Variants in ARHGEF28 observed in about 807,000 individuals in gnomAD.
ARHGEF28 encodes the protein 190 kDa guanine nucleotide exchange factor.
A neutral mutation model predicts 206.6 loss-of-function variants in ARHGEF28; 152 were observed. The observed-to-expected ratio is 0.74, with a 90% CI of 0.64 to 0.84. The LOEUF is 0.84. Among genes scored for constraint, ARHGEF28 ranks in the 40% least tolerant of loss-of-function variants. The probability of loss-of-function intolerance (pLI) is 0.00; values close to 1 mark genes in which losing one functional copy is unlikely to be tolerated. For synonymous variants in ARHGEF28, 763 were observed against 776.4 expected (o/e 0.98, Z 0.29); for missense variants, 2,028 against 2,073.2 (o/e 0.98, Z 0.42).
At chr5:73,756,431 T>C (rs1484019525) in intron 4 of ARHGEF28, among the ~76,000 whole-genome samples, 1 of 152,252 alleles carries the variant, frequency 6.6e-6, no homozygotes, top group Non-Finnish European at 1.5e-5. Flanking sequence ...CAGTTTGTAG[T>C]ACTTGAGGTA....
At chr5:73,636,817 T>G (rs1393716067) in intron 1 of ARHGEF28, among the ~76,000 whole-genome samples, 1 of 152,196 alleles carries the variant, frequency 6.6e-6, no homozygotes, top group Admixed American at 6.5e-5. Flanking sequence ...GTGTGTTCCA[T>G]CTGTCAAGTT....
At chr5:73,743,531 A>T (rs1472420068) in intron 2 of ARHGEF28, among the ~76,000 whole-genome samples, 1 of 152,232 alleles carries the variant, frequency 6.6e-6, no homozygotes, top group Non-Finnish European at 1.5e-5. Context: ...ACCTTCTTTT[A>T]AAAAATTGGC....
intron 2 of ARHGEF28, among the ~76,000 whole-genome samples, chr5:73,715,343 G>A (rs1749520340): frequency 6.6e-6 from 1 of 152,074 alleles, no homozygotes; most frequent in Non-Finnish European, 1.5e-5. Flanking sequence ...AAGGACCCTG[G>A]GCCTTTTTGT....
intron 4 of ARHGEF28, among the ~76,000 whole-genome samples, chr5:73,754,738 C>T (rs1438524551): frequency 2.0e-5 from 3 of 151,872 alleles, no homozygotes; most frequent in African/African-American, 7.3e-5. Flanking sequence ...GCTCTGTTGC[C>T]CAGGCTGGAG....
chr5:73,859,936 C>T lies in ARHGEF28; in HGVS notation c.2047+1717C>T, dbSNP rs772233476. On this transcript the variant is annotated intron_variant, in intron 16 of 35. Coordinates refer to ENST00000513042, the MANE Select transcript of ARHGEF28 (RefSeq NM_001177693.2). Reference sequence around the variant, plus strand: ...CTTCATTAACCATCTGCATTTTGACCTCTGTGCATACTGCTTAACAGAAGT... The same window carrying T: ...CTTCATTAACCATCTGCATTTTGACTTCTGTGCATACTGCTTAACAGAAGT... Among the ~76,000 whole-genome samples the T allele has an allele frequency of 5.3e-5, 8 of 152,262 alleles. No homozygotes were observed. In the East Asian group the frequency reaches 1.5e-3, roughly 29 times the overall value.
intron 4 of ARHGEF28, among the ~76,000 whole-genome samples, chr5:73,765,064 T>C (rs530207568): frequency 6.6e-6 from 1 of 152,372 alleles, no homozygotes; most frequent in South Asian, 2.1e-4. Flanking sequence ...CATATCATGA[T>C]ACATGATGTA....
At chr5:73,660,247 G>T (rs541528580) in intron 1 of ARHGEF28, among the ~76,000 whole-genome samples, 15 of 152,228 alleles carry the variant, frequency 9.9e-5, no homozygotes, top group Admixed American at 3.3e-4. Flanking sequence ...CACTTTCTTT[G>T]CTCATCCATA....
intron 2 of ARHGEF28, among the ~76,000 whole-genome samples, chr5:73,718,126 C>A (rs1376919906): frequency 1.3e-5 from 2 of 152,158 alleles, no homozygotes; most frequent in Non-Finnish European, 2.9e-5. Flanking sequence ...CCCACCTTGG[C>A]CTCCCAAAGT....
intron 22 of ARHGEF28, among the ~76,000 whole-genome samples, chr5:73,875,189 A>G (rs1338551211): frequency 1.3e-5 from 2 of 151,788 alleles, no homozygotes; most frequent in African/African-American, 2.4e-5. Context: ...GCATTTTTTC[A>G]TGTGTCTTTT....
At chr5:73,755,517 G>A (rs1487450773) in intron 4 of ARHGEF28, among the ~76,000 whole-genome samples, 3 of 152,082 alleles carry the variant, frequency 2.0e-5, no homozygotes, top group Admixed American at 6.6e-5. Context: ...AATTGTTGAA[G>A]GTCATGGAAC....
At chr5:73,776,449 T>C (rs1326499775) in intron 5 of ARHGEF28, 67 bp from the exon 6 acceptor site, 8 of 1,425,554 alleles carry the variant, frequency 5.6e-6, no homozygotes, top group East Asian at 4.7e-5. Flanking sequence ...GCAGTGATCC[T>C]AAGGGCTGGG....
In ARHGEF28 at chr5:73,858,267, A is replaced by C. The variant is rs772442916; in HGVS notation, c.2047+48A>C. The C allele has an allele frequency of 6.6e-6, 10 of 1,525,532 alleles. No individual in the cohort carries two copies. The Admixed American group carries it at 1.4e-4, about 22-fold the overall frequency. The allele number at this position is 1,525,532 out of a possible 1,614,324, so 94.5% of individuals were successfully genotyped here. ...GCTGTCTTTGTTTTCATCTCCTGAC[A>C]GTAACCTTGGGAAGAGGCTCATTGC... On this transcript the variant is annotated intron_variant, in intron 16 of 35. Coordinates refer to ENST00000513042, the MANE Select transcript of ARHGEF28 (RefSeq NM_001177693.2).
At chr5:73,820,363 T>C (rs1042643208) in intron 9 of ARHGEF28, among the ~76,000 whole-genome samples, 31 of 152,302 alleles carry the variant, frequency 2.0e-4, no homozygotes, top group Non-Finnish European at 3.2e-4. Flanking sequence ...GAATGTGATT[T>C]CCTGGTGACA....
intron 2 of ARHGEF28, among the ~76,000 whole-genome samples, chr5:73,710,114 A>G (rs1324779952): frequency 6.6e-6 from 1 of 152,210 alleles, no homozygotes; most frequent in Non-Finnish European, 1.5e-5. Flanking sequence ...AGCTATGTTT[A>G]ATTTTATAAA....
chr5:73,788,174 T>A (rs893288234), intron 7 of ARHGEF28, among the ~76,000 whole-genome samples: 2 of 152,226 alleles, frequency 1.3e-5, no homozygotes, highest in Non-Finnish European at 2.9e-5. Flanking sequence ...ATTGCAGTGA[T>A]CTTTACTTGA....
intron 2 of ARHGEF28, among the ~76,000 whole-genome samples, chr5:73,689,779 C>CAA (rs144520601): frequency 2.9e-5 from 4 of 140,322 alleles, no homozygotes; most frequent in South Asian, 2.3e-4. Flanking sequence ...AAAGAAAAAA[C>CAA]AAAAAAAAAA....
chr5:73,672,279 A>G (rs1416041876), intron 1 of ARHGEF28, among the ~76,000 whole-genome samples: 1 of 152,130 alleles, frequency 6.6e-6, no homozygotes, highest in Non-Finnish European at 1.5e-5. Flanking sequence ...TCATAAACCT[A>G]TTGCTTCAAC....
At chr5:73,884,271 T>C (rs781097166) in intron 24 of ARHGEF28, among the ~76,000 whole-genome samples, 1 of 152,208 alleles carries the variant, frequency 6.6e-6, no homozygotes, top group African/African-American at 2.4e-5. Flanking sequence ...CAATCTGTTA[T>C]TAAGTTGAGA....
chr5:73,883,748 A>G lies in ARHGEF28; in HGVS notation c.2938-19A>G. 1 of 1,485,342 alleles carries G rather than the reference A, an allele frequency of 6.7e-7. No individual in the cohort carries two copies. The highest frequency in any genetic ancestry group is 9.1e-7 in the Non-Finnish European group (1 of 1,097,774). 92.0% of individuals were successfully genotyped at this position (1,485,342 alleles called of 1,614,324 possible). A position where few individuals can be genotyped will look rare whatever the true frequency, so the allele number is the denominator to read the frequency against. ...AATACAGGTAGAATTTGTGTACATA[A>G]AAGTATATATTTTTTAAGCTCCGAA... On this transcript the variant is annotated intron_variant, in intron 23 of 35. Coordinates refer to ENST00000513042, the MANE Select transcript of ARHGEF28 (RefSeq NM_001177693.2).
Sources: gnomAD v4.1 joint callset for allele counts (sites outside exome capture counted in the v4.1 genomes callset) on GRCh38, gnomAD v4.1.1 for gene constraint, MANE v1.5 for transcripts, NCBI Gene and HGNC (gene_info 2026-07-23, HGNC 2026-07-21) for gene names.